Variants in PPP1R12A observed in about 807,000 individuals in gnomAD.
PPP1R12A encodes protein phosphatase 1 regulatory subunit 12A.
Under a neutral mutation model 139.6 loss-of-function variants are expected in PPP1R12A, and 19 were observed. That is an observed-to-expected ratio of 0.14 (90% CI 0.09 to 0.20). The LOEUF (loss-of-function observed/expected upper bound fraction) is 0.20, where lower values mean the gene tolerates loss of function less well. Among genes scored for constraint, PPP1R12A ranks in the 10% least tolerant of loss-of-function variants. The pLI, the probability that PPP1R12A is intolerant of heterozygous loss-of-function variation, is 1.00. For synonymous variants in PPP1R12A, 427 were observed against 420.6 expected (o/e 1.02, Z -0.19); for missense variants, 925 against 1,211.5 (o/e 0.76, Z 3.51).
intron 2 of PPP1R12A, among the ~76,000 whole-genome samples, chr12:79,865,603 T>G (rs1881871853): frequency 6.6e-6 from 1 of 152,172 alleles, no homozygotes. Context: ...CTTAAACTGA[T>G]AAGCAACTTC....
At chr12:79,909,034 T>C (rs1445955461) in intron 1 of PPP1R12A, among the ~76,000 whole-genome samples, 2 of 152,078 alleles carry the variant, frequency 1.3e-5, no homozygotes, top group East Asian at 3.9e-4. Context: ...CCAGGTATTC[T>C]TAAGGATACC....
Position 79,821,170 on chromosome 12 carries a change from T to C in PPP1R12A, c.868-4A>G. ...TGTCCCGTTTTTCACTATGGAGCTT[T>C]GTACAAAGTTATGCAAAGGAAAATA... On this transcript the variant is annotated splice_region_variant and splice_polypyrimidine_tract_variant and intron_variant, in intron 6 of 24. Transcript: ENST00000450142. 6.2e-7 allele frequency: 1 copy of C among 1,601,960 alleles called. No individual in the cohort carries two copies. Among genetic ancestry groups the C allele is most frequent in the East Asian group, 2.2e-5 (1 of 44,746 alleles).
In PPP1R12A at chr12:79,809,805, T is replaced by C. The variant is rs749130749; in HGVS notation, c.1445A>G (p.Asn482Ser). 42 of 1,610,234 alleles carry C rather than the reference T, an allele frequency of 2.6e-5. 1 individual carries two copies. Among genetic ancestry groups the C allele is most frequent in the Non-Finnish European group, 3.5e-5 (41 of 1,177,258 alleles). ...SSPRLSSSLD[N>S]KEKEKDSKGT... ...TGTGAAATAGATTACCTTTTCTTTATTATCCAAAGAGGAGGAAAGTCTGGG... is the reference window on the plus strand; with the variant it reads ...TGTGAAATAGATTACCTTTTCTTTACTATCCAAAGAGGAGGAAAGTCTGGG... Residue 482 changes from asparagine (N) to serine (S), a missense_variant, in exon 10 of 25, where the codon AAT becomes AGT. Physicochemically the swap from Asn to Ser is conservative, Grantham distance 46 (BLOSUM62 1). Around this residue, in one of 4 missense-constraint regions of PPP1R12A, gnomAD observed 403 missense variants for 463.7 expected, o/e 0.87. Coordinates refer to ENST00000450142, the MANE Select transcript of PPP1R12A (RefSeq NM_002480.3).
rs116704841 is a variant in PPP1R12A at position 79,780,994 on chromosome 12, C to T, written c.2955+821G>A. On this transcript the variant is annotated intron_variant, in intron 23 of 24. Transcript: ENST00000450142. ...GAATGGAAGAAAAATGTTTTTATATCAATAGCTCCTAAGTATTTACTCTTT... is the reference window on the plus strand; with the variant it reads ...GAATGGAAGAAAAATGTTTTTATATTAATAGCTCCTAAGTATTTACTCTTT... Among the ~76,000 whole-genome samples, 525 of 151,870 alleles carry T rather than the reference C, an allele frequency of 3.5e-3. 4 individuals carry two copies. Among genetic ancestry groups the T allele is most frequent in the African/African-American group, 0.012 (505 of 41,432 alleles).
At chr12:79,872,338 A>C (rs886267383) in intron 2 of PPP1R12A, among the ~76,000 whole-genome samples, 3 of 152,186 alleles carry the variant, frequency 2.0e-5, no homozygotes, top group Admixed American at 1.3e-4. Flanking sequence ...TACAATGACT[A>C]TTTCTCATTG....
At chr12:79,907,631 G>A (rs1007375174) in intron 1 of PPP1R12A, among the ~76,000 whole-genome samples, 2 of 152,148 alleles carry the variant, frequency 1.3e-5, no homozygotes, top group African/African-American at 4.8e-5. Context: ...AGGCATGGTG[G>A]CTCACGCCTG....
chr12:79,815,554 T>C (rs1463554946), intron 9 of PPP1R12A, among the ~76,000 whole-genome samples: 2 of 152,008 alleles, frequency 1.3e-5, no homozygotes, highest in Non-Finnish European at 2.9e-5. Context: ...GCCAGTTTCT[T>C]GCCTAGGTAT....
intron 19 of PPP1R12A, among the ~76,000 whole-genome samples, chr12:79,793,636 T>G (rs1872155047): frequency 6.6e-6 from 1 of 152,166 alleles, no homozygotes; most frequent in Non-Finnish European, 1.5e-5. Flanking sequence ...ATAAAACCAC[T>G]GCTAGGATCA....
chr12:79,917,723 T>C (rs534173581), intron 1 of PPP1R12A, among the ~76,000 whole-genome samples: 1 of 152,122 alleles, frequency 6.6e-6, no homozygotes, highest in Non-Finnish European at 1.5e-5. Flanking sequence ...ATTAAATCTA[T>C]TAGACATAAA....
intron 2 of PPP1R12A, chr12:79,848,764 A>T (rs1565776557): frequency 2.0e-5 from 3 of 152,146 alleles, no homozygotes; most frequent in Admixed American, 6.5e-5. Flanking sequence ...AAATAATAAT[A>T]AATAATAATA....
At chr12:79,828,508 A>G in intron 4 of PPP1R12A, 44 bp from the exon 5 acceptor site, 1 of 1,402,366 alleles carries the variant, frequency 7.1e-7, no homozygotes, top group Admixed American at 2.1e-5. Context: ...AAATCTAGAA[A>G]TAAATGATCA....
intron 19 of PPP1R12A, 81 bp downstream of exon 19, chr12:79,793,782 A>T (rs1872175257): frequency 9.0e-7 from 1 of 1,107,720 alleles, no homozygotes; most frequent in Non-Finnish European, 1.3e-6. Context: ...GCTTTGCATG[A>T]ATAAACATAA....
chr12:79,813,668 T>TCGGC (rs1480805213), intron 9 of PPP1R12A, among the ~76,000 whole-genome samples: 1 of 152,210 alleles, frequency 6.6e-6, no homozygotes, highest in African/African-American at 2.4e-5. Flanking sequence ...TAGTTAACAA[T>TCGGC]TTTAAGCACA....
At chr12:79,802,825 A>G (rs1275082427) in intron 14 of PPP1R12A, among the ~76,000 whole-genome samples, 2 of 152,216 alleles carry the variant, frequency 1.3e-5, no homozygotes. Context: ...CTATCACTTT[A>G]GCATTTCATG....
At chr12:79,897,316 G>A (rs1296267293) in intron 1 of PPP1R12A, among the ~76,000 whole-genome samples, 1 of 152,124 alleles carries the variant, frequency 6.6e-6, no homozygotes, top group Non-Finnish European at 1.5e-5. Flanking sequence ...AATACCATAT[G>A]TTCTAACTTA....
chr12:79,790,960 G>T (rs372966300), intron 19 of PPP1R12A, among the ~76,000 whole-genome samples: 6 of 152,102 alleles, frequency 3.9e-5, no homozygotes, highest in African/African-American at 1.4e-4. Flanking sequence ...AAATTACTAG[G>T]TTACTTTTGG....
chr12:79,819,214 T>C (rs1875785618), intron 8 of PPP1R12A: 1 of 152,234 alleles, frequency 6.6e-6, no homozygotes, highest in Non-Finnish European at 1.5e-5. Context: ...TAATTAGTTA[T>C]ATTTAATAGA....
chr12:79,929,884 C>T (rs986287559), intron 1 of PPP1R12A, among the ~76,000 whole-genome samples: 4 of 151,994 alleles, frequency 2.6e-5, no homozygotes, highest in Admixed American at 6.6e-5. Context: ...AAGAACAATA[C>T]GCTAAGTATC....
intron 2 of PPP1R12A, among the ~76,000 whole-genome samples, chr12:79,846,107 T>C (rs1190093446): frequency 6.6e-6 from 1 of 151,326 alleles, no homozygotes; most frequent in Non-Finnish European, 1.5e-5. Flanking sequence ...TTGCTTATCA[T>C]TATTTTAAAA....
Sources: allele counts gnomAD v4.1 joint callset (sites outside exome capture counted in the v4.1 genomes callset), GRCh38; gene constraint gnomAD v4.1.1; regional missense constraint gnomAD v4.1.1; transcripts MANE v1.5; gene names NCBI Gene and HGNC (gene_info 2026-07-23, HGNC 2026-07-21).